COLEC10: variants seen among roughly 807,000 people sequenced by gnomAD.
The protein encoded by COLEC10 is collectin-10.
COLEC10 carries 22 observed loss-of-function variants against 28.4 expected under a neutral mutation model. The ratio of observed to expected loss-of-function variants is 0.78; its 90% CI spans 0.55 to 1.11. The LOEUF (loss-of-function observed/expected upper bound fraction) is 1.11. COLEC10 is among the 50% of genes least tolerant of loss of function. The pLI, the probability that COLEC10 is intolerant of heterozygous loss-of-function variation, is 0.00. For missense variants in COLEC10, 361 were observed against 344.1 expected, an observed-to-expected ratio of 1.05 and a Z score of -0.39; for synonymous variants, 125 against 116.1, an observed-to-expected ratio of 1.08 and a Z score of -0.49.
chr8:119,080,204 C>T (rs1364802777), intron 1 of COLEC10, among the ~76,000 whole-genome samples: 7 of 152,018 alleles, frequency 4.6e-5, no homozygotes, highest in African/African-American at 2.4e-5. Flanking sequence ...CTCCTCCCAC[C>T]CCATCAAACT....
intron 2 of COLEC10, among the ~76,000 whole-genome samples, chr8:119,053,674 T>TA (rs988973184): frequency 0.015 from 1,542 of 102,440 alleles, 19 homozygotes; most frequent in African/African-American, 0.072. Flanking sequence ...TGTAGGCAAT[T>TA]AAAAAAAAAG....
chr8:118,959,522 T>G, the COLEC10 span, among the ~76,000 whole-genome samples: 1 of 152,202 alleles, frequency 6.6e-6, no homozygotes, highest in Non-Finnish European at 1.5e-5. Context: ...CTTAGAGCAA[T>G]GCCTGGCAAG....
At chr8:119,035,264 T>G (rs1475712620) in intron 2 of COLEC10, among the ~76,000 whole-genome samples, 1 of 151,632 alleles carries the variant, frequency 6.6e-6, no homozygotes, top group African/African-American at 2.4e-5. Context: ...CATCAGCCAT[T>G]CTTTTATGTA....
At chr8:119,102,015 T>C (rs1487096370) in intron 3 of COLEC10, among the ~76,000 whole-genome samples, 1 of 152,166 alleles carries the variant, frequency 6.6e-6, no homozygotes, top group Non-Finnish European at 1.5e-5. Context: ...GTTACACAAA[T>C]TCAAATTCTT....
chr8:119,038,525 T>C (rs1406209608), intron 2 of COLEC10, among the ~76,000 whole-genome samples: 1 of 152,204 alleles, frequency 6.6e-6, no homozygotes, highest in East Asian at 1.9e-4. Context: ...TACTACATGG[T>C]GTTTCTCTCA....
chr8:118,998,312 T>A (rs771157093), intron 1 of COLEC10, among the ~76,000 whole-genome samples: 1 of 152,172 alleles, frequency 6.6e-6, no homozygotes, highest in Non-Finnish European at 1.5e-5. Context: ...AAACTCTATG[T>A]ATGAATTTAA....
At chr8:119,061,601 T>C (rs997318823) in intron 2 of COLEC10, among the ~76,000 whole-genome samples, 1 of 152,054 alleles carries the variant, frequency 6.6e-6, no homozygotes, top group Non-Finnish European at 1.5e-5. Context: ...ATTTTCATAC[T>C]GGAATCCCAT....
At chr8:119,086,163 G>T (rs963087017) in intron 1 of COLEC10, among the ~76,000 whole-genome samples, 2 of 152,164 alleles carry the variant, frequency 1.3e-5, no homozygotes, top group African/African-American at 4.8e-5. Flanking sequence ...CTAAGAAAAT[G>T]CGGTCAAATG....
intron 1 of COLEC10, among the ~76,000 whole-genome samples, chr8:119,080,142 C>A (rs973918324): frequency 2.0e-5 from 3 of 152,132 alleles, no homozygotes; most frequent in African/African-American, 7.2e-5. Flanking sequence ...CAAAGCCTTG[C>A]TTTGTTGGAT....
chr8:118,979,355 C>T, the COLEC10 span, among the ~76,000 whole-genome samples: 6 of 151,702 alleles, frequency 4.0e-5, no homozygotes, highest in East Asian at 1.9e-4. Flanking sequence ...AACTTTATTA[C>T]GTGTAATGAC....
the COLEC10 span, among the ~76,000 whole-genome samples, chr8:118,968,485 G>C: frequency 1.3e-5 from 2 of 151,922 alleles, no homozygotes; most frequent in African/African-American, 4.8e-5. Flanking sequence ...CACAGCAACA[G>C]GACCAGGCAC....
At chr8:119,055,547 G>A (rs753134661) in intron 2 of COLEC10, among the ~76,000 whole-genome samples, 1 of 151,894 alleles carries the variant, frequency 6.6e-6, no homozygotes, top group African/African-American at 2.4e-5. Flanking sequence ...TTGAAAGCTG[G>A]CTCCATGCCT....
chr8:118,989,562 CACACACACACACACACCCCT>C, the COLEC10 span, among the ~76,000 whole-genome samples: 1 of 146,880 alleles, frequency 6.8e-6, no homozygotes. Context: ...CACACACACA[CACACACACACACACACCCCT>C]ACCTACCCAT....
chr8:118,974,846 C>T, the COLEC10 span, among the ~76,000 whole-genome samples: 15 of 152,066 alleles, frequency 9.9e-5, no homozygotes, highest in South Asian at 4.2e-4. Context: ...TTAGTTTAAA[C>T]GCACTAATTG....
At chr8:118,961,694 G>A in the COLEC10 span, among the ~76,000 whole-genome samples, 4 of 152,180 alleles carry the variant, frequency 2.6e-5, no homozygotes, top group Admixed American at 6.5e-5. Flanking sequence ...ACCCATCTGC[G>A]TCAAAGTGGT....
At chr8:118,980,202 CT>C in the COLEC10 span, among the ~76,000 whole-genome samples, 18,351 of 136,910 alleles carry the variant, frequency 0.13, 973 homozygotes, top group East Asian at 0.17. Context: ...ATAAAACATT[CT>C]TTTTTTTTTT....
intron 2 of COLEC10, among the ~76,000 whole-genome samples, chr8:119,042,784 T>C (rs147981132): frequency 6.6e-6 from 1 of 152,346 alleles, no homozygotes; most frequent in East Asian, 1.9e-4. Flanking sequence ...GTCTTCTAAA[T>C]ATTGCTTTGA....
chr8:119,017,060 A>G (rs1586999968), intron 2 of COLEC10, among the ~76,000 whole-genome samples: 1 of 152,164 alleles, frequency 6.6e-6, no homozygotes, highest in Non-Finnish European at 1.5e-5. Flanking sequence ...ATGAAATGCT[A>G]TCTCATTGTG....
chr8:119,029,505 C>A (rs2130124659), intron 2 of COLEC10, among the ~76,000 whole-genome samples: 1 of 152,292 alleles, frequency 6.6e-6, no homozygotes, highest in South Asian at 2.1e-4. Context: ...TACAGACACA[C>A]ACACACACAA....
Sources: allele counts gnomAD v4.1 joint callset (sites outside exome capture counted in the v4.1 genomes callset), GRCh38; gene constraint gnomAD v4.1.1; transcripts MANE v1.5; gene names NCBI Gene and HGNC (gene_info 2026-07-23, HGNC 2026-07-21).